DIS3L2: variants seen among roughly 807,000 people sequenced by gnomAD.
The protein encoded by DIS3L2 is DIS3 like 3'-5' exoribonuclease 2, also known as DIS3-like exonuclease 2.
Under a neutral mutation model 97.5 loss-of-function variants are expected in DIS3L2, and 34 were observed. That is an observed-to-expected ratio of 0.35 (90% CI 0.27 to 0.46). The LOEUF (loss-of-function observed/expected upper bound fraction) is 0.46. Among genes scored for constraint, DIS3L2 ranks in the 20% least tolerant of loss-of-function variants. The probability of loss-of-function intolerance (pLI) is 1.00; values close to 1 mark genes in which losing one functional copy is unlikely to be tolerated. For missense variants in DIS3L2, 1,038 were observed against 1,146.0 expected, an observed-to-expected ratio of 0.91 and a Z score of 1.36; for synonymous variants, 435 against 445.2, an observed-to-expected ratio of 0.98 and a Z score of 0.29.
At chr2:232,175,819 G>A (rs1034880537) in intron 9 of DIS3L2, among the ~76,000 whole-genome samples, 2 of 151,836 alleles carry the variant, frequency 1.3e-5, no homozygotes, top group East Asian at 1.9e-4. Context: ...TTATTAATTC[G>A]GTATCTTTTT....
Position 232,130,704 on chromosome 2 carries a change from G to A in DIS3L2, c.687G>A (p.Leu229=), listed in dbSNP as rs199740245. The stretch of plus-strand genomic sequence containing the variant: ...CAAGAGCTTTATCGGAGAAATCCCT[G>A]CAAAGATCAGCAAAGGTCATTGCCT... The part of the protein sequence containing the change: ...QDTRALSEKS[L]QRSAKVVYIL... The change falls in exon 7 of 21, where the codon CTG becomes CTA. Residue 229 remains leucine (L), a synonymous_variant. Coordinates refer to ENST00000325385, the MANE Select transcript of DIS3L2 (RefSeq NM_152383.5). 3 of 1,613,732 alleles carry A rather than the reference G, an allele frequency of 1.9e-6. No individual in the cohort carries two copies. Among genetic ancestry groups the A allele is most frequent in the Non-Finnish European group, 2.5e-6 (3 of 1,179,906 alleles).
chr2:232,171,548 C>T (rs971809849), intron 9 of DIS3L2, among the ~76,000 whole-genome samples: 6 of 152,136 alleles, frequency 3.9e-5, no homozygotes, highest in South Asian at 2.1e-4. Flanking sequence ...AAGATAATTA[C>T]GCAGGAAATT....
At position 232,015,601 on chromosome 2, in the gene DIS3L2, A is replaced by G. The variant is rs1574812771; in HGVS notation, c.140A>G (p.Lys47Arg). ...AACAGGTCCACACGAGGGAAGAAAAAGAGCATATTTGAAACTTACATGTCC... is the reference window on the plus strand; with the variant it reads ...AACAGGTCCACACGAGGGAAGAAAAGGAGCATATTTGAAACTTACATGTCC... Reference protein sequence around the residue: ...SKNRSTRGKKKSIFETYMSKE... With the variant: ...SKNRSTRGKKRSIFETYMSKE... The change falls in exon 3 of 21, where the codon AAG (lysine) becomes AGG (arginine). Residue 47 changes from lysine (K) to arginine (R), a missense_variant. By Grantham distance (26) the Lys-to-Arg change is conservative. Around this residue, in one of 3 missense-constraint regions of DIS3L2, gnomAD observed 813 missense variants for 880.1 expected, o/e 0.92. Coordinates refer to ENST00000325385, the MANE Select transcript of DIS3L2 (RefSeq NM_152383.5). 7.4e-6 allele frequency: 12 copies of G among 1,613,984 alleles called. No individual in the cohort carries two copies. The East Asian group carries it at 1.8e-4, about 24-fold the overall frequency.
At chr2:232,312,447 G>A (rs1375531209) in intron 14 of DIS3L2, among the ~76,000 whole-genome samples, 3 of 152,126 alleles carry the variant, frequency 2.0e-5, no homozygotes, top group Non-Finnish European at 4.4e-5. Flanking sequence ...TCCATTCTGT[G>A]TCACTGGTTT....
chr2:231,962,935 A>T (rs555669136), intron 1 of DIS3L2, among the ~76,000 whole-genome samples: 4 of 150,264 alleles, frequency 2.7e-5, no homozygotes, highest in Admixed American at 2.6e-4. Flanking sequence ...TTGTGGCTGC[A>T]TAGTATTCCA....
intron 5 of DIS3L2, among the ~76,000 whole-genome samples, chr2:232,031,276 T>C (rs1245387629): frequency 2.0e-5 from 3 of 152,166 alleles, no homozygotes; most frequent in Non-Finnish European, 4.4e-5. Flanking sequence ...TGTTGAGGCA[T>C]ACATTCTTTT....
At chr2:232,162,645 A>G (rs35324766) in intron 8 of DIS3L2, among the ~76,000 whole-genome samples, 1 of 152,256 alleles carries the variant, frequency 6.6e-6, no homozygotes, top group African/African-American at 2.4e-5. Flanking sequence ...AGACTTGTAC[A>G]ACAGAGGAGA....
chr2:232,243,858 C>A (rs1428339206), intron 11 of DIS3L2, among the ~76,000 whole-genome samples: 1 of 152,194 alleles, frequency 6.6e-6, no homozygotes, highest in East Asian at 1.9e-4. Context: ...GTGACCTTAG[C>A]CACTGAACAT....
chr2:232,314,157 G>A (rs1327852157), intron 14 of DIS3L2, among the ~76,000 whole-genome samples: 1 of 152,202 alleles, frequency 6.6e-6, no homozygotes, highest in Non-Finnish European at 1.5e-5. Flanking sequence ...GCCCTCCTCA[G>A]CACCGGCCCA....
intron 11 of DIS3L2, among the ~76,000 whole-genome samples, chr2:232,241,662 A>G (rs567512886): frequency 6.6e-6 from 1 of 152,352 alleles, no homozygotes; most frequent in Non-Finnish European, 1.5e-5. Flanking sequence ...TTTTGACAAA[A>G]GATGATTCCG....
intron 6 of DIS3L2, among the ~76,000 whole-genome samples, chr2:232,122,714 T>C (rs574861063): frequency 1.3e-5 from 2 of 149,324 alleles, no homozygotes; most frequent in South Asian, 4.3e-4. Flanking sequence ...CAAGACTCCA[T>C]CTCAAAAACA....
At chr2:232,213,661 G>GTTTTTTTT (rs67846645) in intron 10 of DIS3L2, among the ~76,000 whole-genome samples, 9 of 80,728 alleles carry the variant, frequency 1.1e-4, no homozygotes, top group Non-Finnish European at 1.4e-4. Flanking sequence ...ATCATCTGTA[G>GTTTTTTTT]TTTTTTTTTT....
chr2:232,176,868 A>C (rs1691179588), intron 9 of DIS3L2, among the ~76,000 whole-genome samples: 1 of 149,550 alleles, frequency 6.7e-6, no homozygotes, highest in South Asian at 2.1e-4. Flanking sequence ...GGTTAGTTAC[A>C]TATGTATACA....
intron 6 of DIS3L2, among the ~76,000 whole-genome samples, chr2:232,127,442 C>CA (rs1326051671): frequency 6.6e-6 from 1 of 152,156 alleles, no homozygotes; most frequent in Non-Finnish European, 1.5e-5. Context: ...CAAGACTATT[C>CA]AACTCCAAAA....
chr2:232,289,347 A>G (rs1470996450), intron 13 of DIS3L2, among the ~76,000 whole-genome samples: 1 of 150,840 alleles, frequency 6.6e-6, no homozygotes, highest in African/African-American at 2.4e-5. Context: ...ATCTTGGCTC[A>G]CTGCAACCTC....
chr2:232,032,282 T>C (rs1574825807), intron 5 of DIS3L2, among the ~76,000 whole-genome samples: 2 of 152,256 alleles, frequency 1.3e-5, no homozygotes, highest in Admixed American at 6.5e-5. Context: ...TTTTTTTATA[T>C]GTCTGTTGGC....
intron 6 of DIS3L2, among the ~76,000 whole-genome samples, chr2:232,090,203 G>C (rs1165666221): frequency 6.6e-6 from 1 of 152,114 alleles, no homozygotes; most frequent in Non-Finnish European, 1.5e-5. Context: ...CCAAAGCGCT[G>C]GGATTACAGG....
At chr2:232,180,022 G>A (rs1395115718) in intron 9 of DIS3L2, among the ~76,000 whole-genome samples, 24 of 115,568 alleles carry the variant, frequency 2.1e-4, no homozygotes, top group South Asian at 6.2e-4. Context: ...CTTTGTTCTC[G>A]TTGGTTTCAA....
intron 8 of DIS3L2, among the ~76,000 whole-genome samples, chr2:232,146,487 G>A (rs919599903): frequency 3.3e-5 from 5 of 152,326 alleles, no homozygotes; most frequent in Non-Finnish European, 7.3e-5. Context: ...AGTAAAGTCA[G>A]TGACTGGATG....
Sources: allele counts gnomAD v4.1 joint callset (sites outside exome capture counted in the v4.1 genomes callset), GRCh38; gene constraint gnomAD v4.1.1; regional missense constraint gnomAD v4.1.1; transcripts MANE v1.5; gene names NCBI Gene and HGNC (gene_info 2026-07-23, HGNC 2026-07-21).